GRIA1: variants seen among roughly 807,000 people sequenced by gnomAD.
GRIA1 encodes glutamate receptor 1.
Under a neutral mutation model 99.2 loss-of-function variants are expected in GRIA1, and 31 were observed. The observed-to-expected ratio is 0.31, with a 90% CI of 0.23 to 0.42. GRIA1 has a LOEUF of 0.42. Among genes scored for constraint, GRIA1 ranks in the 10% least tolerant of loss-of-function variants. GRIA1 has a pLI of 1.00. For missense variants in GRIA1, 782 were observed against 1,157.5 expected, an observed-to-expected ratio of 0.68 and a Z score of 4.71; for synonymous variants, 438 against 432.4, an observed-to-expected ratio of 1.01 and a Z score of -0.16.
chr5:153,565,688 G>A (rs1212968152), intron 2 of GRIA1, among the ~76,000 whole-genome samples: 1 of 152,004 alleles, frequency 6.6e-6, no homozygotes, highest in African/African-American at 2.4e-5. Flanking sequence ...TTCTATATAT[G>A]AAATCATACT....
At chr5:153,724,074 C>G (rs1760306113) in intron 11 of GRIA1, among the ~76,000 whole-genome samples, 1 of 152,220 alleles carries the variant, frequency 6.6e-6, no homozygotes, top group Non-Finnish European at 1.5e-5. Flanking sequence ...CAGACAGCAG[C>G]ATTTGCGGTT....
intron 11 of GRIA1, among the ~76,000 whole-genome samples, chr5:153,751,049 G>A (rs1013026254): frequency 6.6e-6 from 1 of 152,120 alleles, no homozygotes; most frequent in Non-Finnish European, 1.5e-5. Context: ...GCAGTGAGCC[G>A]AGATCACGCC....
chr5:153,592,999 C>T (rs1024646938), intron 2 of GRIA1, among the ~76,000 whole-genome samples: 2 of 152,200 alleles, frequency 1.3e-5, no homozygotes, highest in African/African-American at 4.8e-5. Context: ...GGCGCAGTGG[C>T]TCACACCTGT....
intron 2 of GRIA1, among the ~76,000 whole-genome samples, chr5:153,627,754 C>G (rs548959196): frequency 6.6e-6 from 1 of 152,118 alleles, no homozygotes; most frequent in Admixed American, 6.5e-5. Flanking sequence ...CTGACCCTTG[C>G]CCAGCAATTG....
intron 2 of GRIA1, chr5:153,558,108 G>C (rs1581227358): frequency 1.3e-5 from 2 of 152,082 alleles, no homozygotes; most frequent in Non-Finnish European, 2.9e-5. Flanking sequence ...GTAATGCATT[G>C]TGCTACATTA....
chr5:153,608,142 CAGT>C (rs1400361448), intron 2 of GRIA1, among the ~76,000 whole-genome samples: 1 of 152,150 alleles, frequency 6.6e-6, no homozygotes, highest in Non-Finnish European at 1.5e-5. Flanking sequence ...GATCTTTTGA[CAGT>C]AATCTGTCTG....
intron 2 of GRIA1, among the ~76,000 whole-genome samples, chr5:153,539,419 G>A (rs546349756): frequency 1.3e-5 from 2 of 152,286 alleles, no homozygotes; most frequent in Admixed American, 6.5e-5. Flanking sequence ...CTTAATAGCA[G>A]GAATAAAAGG....
At chr5:153,596,878 A>C (rs190660401) in intron 2 of GRIA1, among the ~76,000 whole-genome samples, 2 of 152,346 alleles carry the variant, frequency 1.3e-5, no homozygotes, top group Admixed American at 1.3e-4. Context: ...TGTTTGCTAA[A>C]GCTGGTCCCA....
chr5:153,741,882 G>A (rs1034369692), intron 11 of GRIA1, among the ~76,000 whole-genome samples: 7 of 149,730 alleles, frequency 4.7e-5, no homozygotes, highest in Non-Finnish European at 1.0e-4. Flanking sequence ...CATTTTGTAA[G>A]AGGATAAATC....
chr5:153,726,896 A>G (rs1760579224), intron 11 of GRIA1, among the ~76,000 whole-genome samples: 1 of 152,244 alleles, frequency 6.6e-6, no homozygotes, highest in South Asian at 2.1e-4. Flanking sequence ...TGAGGCAAGC[A>G]TCATCCTGAT....
chr5:153,633,034 G>T (rs1161854559), intron 2 of GRIA1, among the ~76,000 whole-genome samples: 1 of 152,142 alleles, frequency 6.6e-6, no homozygotes, highest in Non-Finnish European at 1.5e-5. Flanking sequence ...GGAAGGAAAT[G>T]GTTCATATGC....
At chr5:153,492,116 T>G in intron 1 of GRIA1, 1 of 1,411,790 alleles carries the variant, frequency 7.1e-7, no homozygotes. Context: ...CTAGGGAAAG[T>G]TCGCATTGCT....
chr5:153,502,721 T>A (rs765969054), intron 2 of GRIA1, among the ~76,000 whole-genome samples: 4 of 152,132 alleles, frequency 2.6e-5, no homozygotes, highest in Non-Finnish European at 4.4e-5. Flanking sequence ...CTGGGGCAAA[T>A]GAGGCAGTTG....
intron 5 of GRIA1, among the ~76,000 whole-genome samples, chr5:153,663,891 G>A (rs74493122): frequency 0.047 from 7,121 of 152,234 alleles, 183 homozygotes; most frequent in Middle Eastern, 0.088. Context: ...TGTATCTTTC[G>A]ATCTTGCAAA....
intron 10 of GRIA1, among the ~76,000 whole-genome samples, chr5:153,704,447 A>C (rs1758746270): frequency 6.6e-6 from 1 of 152,214 alleles, no homozygotes; most frequent in African/African-American, 2.4e-5. Context: ...CTGCCATTGG[A>C]GAGAGGTAGG....
intron 2 of GRIA1, among the ~76,000 whole-genome samples, chr5:153,616,112 T>G (rs1264036427): frequency 1.3e-5 from 2 of 152,130 alleles, no homozygotes; most frequent in African/African-American, 4.8e-5. Context: ...CACAGTCCTG[T>G]CATTCAGGTC....
chr5:153,726,534 T>A (rs377747751), intron 11 of GRIA1, among the ~76,000 whole-genome samples: 2 of 151,526 alleles, frequency 1.3e-5, no homozygotes, highest in African/African-American at 4.8e-5. Context: ...ATCAAATAGA[T>A]GCAATAAAAA....
intron 2 of GRIA1, among the ~76,000 whole-genome samples, chr5:153,550,910 T>G (rs1760075842): frequency 6.6e-6 from 1 of 152,208 alleles, no homozygotes; most frequent in Admixed American, 6.5e-5. Flanking sequence ...TTATTATACT[T>G]TAAGTTTTAG....
At chr5:153,658,057 G>A (rs1304433939) in intron 5 of GRIA1, among the ~76,000 whole-genome samples, 1 of 151,986 alleles carries the variant, frequency 6.6e-6, no homozygotes. Flanking sequence ...CCAGCAAAGG[G>A]GTGTGACTTG....
Sources: allele counts gnomAD v4.1 joint callset (sites outside exome capture counted in the v4.1 genomes callset), GRCh38; gene constraint gnomAD v4.1.1; transcripts MANE v1.5; gene names NCBI Gene and HGNC (gene_info 2026-07-23, HGNC 2026-07-21).